Variants in KIZ observed in about 807,000 individuals in gnomAD.
KIZ encodes the protein kizuna centrosomal protein, also known as centrosomal protein kizuna.
In KIZ, 68 loss-of-function variants were observed where a neutral mutation model predicts 79.6. The observed-to-expected ratio is 0.85, with a 90% CI of 0.70 to 1.05. KIZ has a LOEUF of 1.05. KIZ is among the 50% of genes least tolerant of loss of function. KIZ has a pLI of 0.00. For missense variants in KIZ, 797 were observed against 800.4 expected (o/e 1.00, Z 0.05); for synonymous variants, 280 against 281.8 (o/e 0.99, Z 0.06).
At chr20:21,155,372 T>C (rs1052096557) in intron 4 of KIZ, among the ~76,000 whole-genome samples, 7 of 151,576 alleles carry the variant, frequency 4.6e-5, no homozygotes, top group Admixed American at 1.3e-4. Context: ...TGCCACAAAA[T>C]GGATAAACCT....
At chr20:21,182,800 C>CAAA (rs763359536) in intron 6 of KIZ, among the ~76,000 whole-genome samples, 2 of 82,686 alleles carry the variant, frequency 2.4e-5, no homozygotes, top group Admixed American at 1.3e-4. Context: ...GTCCCCCCAC[C>CAAA]AAAAAAAAAA....
intron 2 of KIZ, among the ~76,000 whole-genome samples, chr20:21,135,394 A>G (rs1484525622): frequency 1.3e-5 from 2 of 152,234 alleles, no homozygotes; most frequent in African/African-American, 4.8e-5. Context: ...GGGCAGCAAT[A>G]AGACCAGCCT....
intron 6 of KIZ, among the ~76,000 whole-genome samples, chr20:21,199,712 T>C (rs2035509092): frequency 6.6e-6 from 1 of 152,250 alleles, no homozygotes; most frequent in South Asian, 2.1e-4. Flanking sequence ...ACCTATCTGC[T>C]TTGTGATCAT....
chr20:21,243,005 G>C (rs2037271036), intron 11 of KIZ, among the ~76,000 whole-genome samples: 1 of 152,188 alleles, frequency 6.6e-6, no homozygotes, highest in Admixed American at 6.5e-5. Context: ...TCAGGTAGGG[G>C]GAGGTGGGGA....
chr20:21,133,023 A>G (rs1170945866), intron 2 of KIZ: 2 of 152,234 alleles, frequency 1.3e-5, no homozygotes, highest in Admixed American at 1.3e-4. Flanking sequence ...TAAAAACTGA[A>G]CTTTATCCTT....
At chr20:21,172,644 A>G (rs11908020) in intron 6 of KIZ, among the ~76,000 whole-genome samples, 58 of 152,244 alleles carry the variant, frequency 3.8e-4, no homozygotes, top group African/African-American at 1.4e-3. Context: ...TTAAGTAGAT[A>G]GAGAAGGCAT....
chr20:21,200,900 A>C (rs375854083), intron 6 of KIZ, among the ~76,000 whole-genome samples: 1 of 152,106 alleles, frequency 6.6e-6, no homozygotes, highest in Non-Finnish European at 1.5e-5. Context: ...AGACCTTCAT[A>C]TGGGCCAGGT....
intron 4 of KIZ, among the ~76,000 whole-genome samples, chr20:21,149,794 C>T (rs1253501577): frequency 1.3e-5 from 2 of 152,150 alleles, no homozygotes; most frequent in African/African-American, 4.8e-5. Context: ...GTGGGGGAAA[C>T]TTGATTGAAA....
intron 1 of KIZ, among the ~76,000 whole-genome samples, chr20:21,130,159 G>A (rs2031749693): frequency 6.6e-6 from 1 of 152,050 alleles, no homozygotes; most frequent in East Asian, 1.9e-4. Context: ...GCATTTGGCT[G>A]GCATGTCTCT....
intron 7 of KIZ, among the ~76,000 whole-genome samples, chr20:21,214,230 A>G (rs1398890734): frequency 4.6e-5 from 7 of 152,152 alleles, no homozygotes; most frequent in African/African-American, 1.7e-4. Context: ...AAACCTGCCC[A>G]GATTAACAGA....
At chr20:21,194,142 A>T (rs1040368877) in intron 6 of KIZ, 1 of 152,082 alleles carries the variant, frequency 6.6e-6, no homozygotes, top group Non-Finnish European at 1.5e-5. Flanking sequence ...ATTTGGCCAA[A>T]TTTTTTACAT....
intron 1 of KIZ, among the ~76,000 whole-genome samples, chr20:21,128,867 C>G (rs917689275): frequency 1.3e-5 from 2 of 152,014 alleles, no homozygotes; most frequent in African/African-American, 4.8e-5. Flanking sequence ...GTAGAGTAAG[C>G]TGAAGATGGT....
chr20:21,177,772 C>T (rs2034495732), intron 6 of KIZ, among the ~76,000 whole-genome samples: 1 of 151,894 alleles, frequency 6.6e-6, no homozygotes, highest in African/African-American at 2.4e-5. Flanking sequence ...TATGAGAGTC[C>T]AGTTTCATTC....
At chr20:21,137,374 C>T (rs2032253530) in intron 3 of KIZ, among the ~76,000 whole-genome samples, 1 of 151,976 alleles carries the variant, frequency 6.6e-6, no homozygotes, top group Non-Finnish European at 1.5e-5. Context: ...TCACCATTTG[C>T]ACTGGTCAGG....
intron 6 of KIZ, among the ~76,000 whole-genome samples, chr20:21,181,616 G>T (rs2034658933): frequency 6.6e-6 from 1 of 151,996 alleles, no homozygotes; most frequent in Non-Finnish European, 1.5e-5. Context: ...GCGCCACCAT[G>T]CCTGGCTAAT....
At chr20:21,224,914 A>G (rs1451107727) in intron 9 of KIZ, among the ~76,000 whole-genome samples, 1 of 151,042 alleles carries the variant, frequency 6.6e-6, no homozygotes, top group Non-Finnish European at 1.5e-5. Context: ...TCTCTCTCCC[A>G]CCTCTTTATT....
intron 6 of KIZ, among the ~76,000 whole-genome samples, chr20:21,183,026 A>T (rs1161694861): frequency 6.6e-6 from 1 of 152,054 alleles, no homozygotes; most frequent in African/African-American, 2.4e-5. Flanking sequence ...GTTGATTACT[A>T]AACAAAATTG....
At chr20:21,206,206 A>G (rs1226303707) in intron 7 of KIZ, among the ~76,000 whole-genome samples, 1 of 152,218 alleles carries the variant, frequency 6.6e-6, no homozygotes, top group Admixed American at 6.5e-5. Flanking sequence ...ATGTCAATTC[A>G]GCAAATGCCT....
At position 21,246,601 on chromosome 20, in the gene KIZ, A is replaced by G. The variant is rs567367426; in HGVS notation, c.*25A>G. ...ACGTGCTGTGACATTGGTTTCAAAT[A>G]AAGTCTTTAAACAAACTAAAATCCT... On this transcript the variant is annotated 3_prime_UTR_variant, in exon 13 of 13. Coordinates refer to ENST00000619189, the MANE Select transcript of KIZ (RefSeq NM_018474.6). 3.7e-5 allele frequency: 50 copies of G among 1,348,844 alleles called. No homozygotes were observed. Among genetic ancestry groups the G allele is most frequent in the Non-Finnish European group, 5.0e-5 (47 of 945,980 alleles). The allele number at this position is 1,348,844 out of a possible 1,614,324, so 83.6% of individuals were successfully genotyped here.
Sources: allele counts gnomAD v4.1 joint callset (sites outside exome capture counted in the v4.1 genomes callset), GRCh38; gene constraint gnomAD v4.1.1; transcripts MANE v1.5; gene names NCBI Gene and HGNC (gene_info 2026-07-23, HGNC 2026-07-21).